The following PCBP3 variants were observed in gnomAD, a reference collection of about 807,000 sequenced individuals.
PCBP3 encodes the protein poly(rC)-binding protein 3.
Under a neutral mutation model 52.7 loss-of-function variants are expected in PCBP3, and 25 were observed. The ratio of observed to expected loss-of-function variants is 0.47; its 90% CI spans 0.35 to 0.66. The LOEUF (loss-of-function observed/expected upper bound fraction) is 0.66. PCBP3 is among the 30% of genes least tolerant of loss of function. The probability of loss-of-function intolerance (pLI) is 0.01; values close to 1 mark genes in which losing one functional copy is unlikely to be tolerated. For synonymous variants in PCBP3, 162 were observed against 183.0 expected, an observed-to-expected ratio of 0.89 and a Z score of 0.93; for missense variants, 391 against 490.3, an observed-to-expected ratio of 0.80 and a Z score of 1.91.
In PCBP3 at chr21:45,843,187, C is replaced by T. The variant is rs561896488; in HGVS notation, c.-125-6774C>T. On this transcript the variant is annotated intron_variant, in intron 4 of 17. Coordinates refer to ENST00000681687, the MANE Select transcript of PCBP3 (RefSeq NM_001384156.1). Reference sequence around the variant, plus strand: ...CTTCTGTTTGTTCCACATGTAATGTCCAGAGTTGTTGGCTGTGCTCAGCAG... The same window carrying T: ...CTTCTGTTTGTTCCACATGTAATGTTCAGAGTTGTTGGCTGTGCTCAGCAG... Among the ~76,000 whole-genome samples, 14 of 145,798 alleles carry T rather than the reference C, an allele frequency of 9.6e-5. No individual in the cohort carries two copies. In the East Asian group the frequency reaches 2.5e-3, roughly 26 times the overall value.
chr21:45,856,281 G>T (rs532160645), intron 5 of PCBP3, among the ~76,000 whole-genome samples: 2 of 152,302 alleles, frequency 1.3e-5, no homozygotes, highest in African/African-American at 4.8e-5. Flanking sequence ...AAGGACCTTG[G>T]TCTCCACAGC....
rs932645368 is a variant in PCBP3 at position 45,928,564 on chromosome 21, G to A, written c.718-1353G>A. Among the ~76,000 whole-genome samples, 1 of 152,184 alleles carries A rather than the reference G, an allele frequency of 6.6e-6. No individual in the cohort carries two copies. Among genetic ancestry groups the A allele is most frequent in the Non-Finnish European group, 1.5e-5 (1 of 68,026 alleles). ...GACCACAGTCGCCGCATTCCTGACT[G>A]TGCTCCCTGGTGTCAGGGAACCCAG... On this transcript the variant is annotated intron_variant, in intron 13 of 17. Transcript: ENST00000681687. The surrounding 1 kb of genome is among the most constrained non-coding windows in gnomAD (Gnocchi z 4.1).
At chr21:45,891,074 T>G (rs1363967007) in intron 5 of PCBP3, among the ~76,000 whole-genome samples, 1 of 151,786 alleles carries the variant, frequency 6.6e-6, no homozygotes, top group Non-Finnish European at 1.5e-5. Context: ...GAGGGGAATG[T>G]AGATAATAGA....
intron 16 of PCBP3, among the ~76,000 whole-genome samples, chr21:45,936,972 A>T (rs545875634): frequency 8.5e-5 from 13 of 152,116 alleles, no homozygotes; most frequent in Non-Finnish European, 1.5e-4. Context: ...ATGCTTCTTC[A>T]TGGAAAAGGC....
At chr21:45,667,731 A>G (rs1295154292) in intron 1 of PCBP3, among the ~76,000 whole-genome samples, 1 of 151,934 alleles carries the variant, frequency 6.6e-6, no homozygotes, top group African/African-American at 2.4e-5. Context: ...GTTTCTTTGT[A>G]TGTGTCATAG....
chr21:45,828,880 T>C (rs1231158596), intron 4 of PCBP3: 1 of 152,310 alleles, frequency 6.6e-6, no homozygotes, highest in Non-Finnish European at 1.5e-5. Context: ...CCAGGCTCCT[T>C]TGGGGGCTGG....
At position 45,656,670 on chromosome 21, in the gene PCBP3, A is replaced by C. The variant is rs1164173710; in HGVS notation, c.-278-12204A>C. 1.3e-5 allele frequency among the ~76,000 whole-genome samples: 2 copies of C among 152,266 alleles called. No homozygotes were observed. Among genetic ancestry groups the C allele is most frequent in the African/African-American group, 2.4e-5 (1 of 41,542 alleles). ...TTAAAAAAAATAGCTGAAAACAAAA[A>C]CAAAAATAAATAAATCCTTTGCCCA... On this transcript the variant is annotated intron_variant, in intron 1 of 17. Transcript: ENST00000681687. The surrounding 1 kb of genome is among the most constrained non-coding windows in gnomAD (Gnocchi z 4.3).
chr21:45,838,582 A>G (rs2093637973), intron 4 of PCBP3, among the ~76,000 whole-genome samples: 1 of 152,130 alleles, frequency 6.6e-6, no homozygotes, highest in Non-Finnish European at 1.5e-5. Context: ...CATATTTAAG[A>G]TTACATTATT....
chr21:45,861,062 C>G (rs998257397), intron 5 of PCBP3, among the ~76,000 whole-genome samples: 1 of 152,198 alleles, frequency 6.6e-6, no homozygotes, highest in Non-Finnish European at 1.5e-5. Context: ...GCCCCAGTTC[C>G]CCTCCTGCCT....
chr21:45,643,786 C>T lies in PCBP3; in HGVS notation c.-361C>T, dbSNP rs117509889. The T allele has an allele frequency of 0.31, 45,957 of 148,496 alleles. 8,440 individuals carry two copies. Among genetic ancestry groups the T allele is most frequent in the East Asian group, 0.66 (3,277 of 4,992 alleles). The allele number at this position is 148,496 out of a possible 1,614,324, so 9.2% of individuals were successfully genotyped here. ...GCTGACTTAGGCTCCGCCGCCGCCT[C>T]CTCACCCGCCTCGCCCCGACCCCGC... On this transcript the variant is annotated 5_prime_UTR_variant, in exon 1 of 18. Coordinates refer to ENST00000681687, the MANE Select transcript of PCBP3 (RefSeq NM_001384156.1).
chr21:45,846,491 G>A (rs1004497116), intron 4 of PCBP3, among the ~76,000 whole-genome samples: 1 of 151,780 alleles, frequency 6.6e-6, no homozygotes, highest in African/African-American at 2.4e-5. Context: ...TCTATTATTG[G>A]AGTACAAAGT....
intron 2 of PCBP3, among the ~76,000 whole-genome samples, chr21:45,691,067 AG>A (rs1179600252): frequency 6.6e-6 from 1 of 152,156 alleles, no homozygotes; most frequent in Non-Finnish European, 1.5e-5. Context: ...CATGTACAAA[AG>A]TGTTCACAGT....
rs1317961378 is a variant in PCBP3, at chr21:45,800,985, C to G, written c.-126+45533C>G. Among the ~76,000 whole-genome samples, 1 of 152,248 alleles carries G rather than the reference C, an allele frequency of 6.6e-6. No individual in the cohort carries two copies. The highest frequency in any genetic ancestry group is 1.5e-5 in the Non-Finnish European group (1 of 68,044). On this transcript the variant is annotated intron_variant, in intron 4 of 17. Transcript: ENST00000681687. The surrounding 1 kb of genome is among the most constrained non-coding windows in gnomAD (Gnocchi z 5.3). ...GGACTTGTTGCCCGTTCTGCGTGGCCACCCGTTCTTGCCAGCATGCCCACT... is the reference window on the plus strand; with the variant it reads ...GGACTTGTTGCCCGTTCTGCGTGGCGACCCGTTCTTGCCAGCATGCCCACT...
chr21:45,849,734 G>C (rs537155239), intron 4 of PCBP3, among the ~76,000 whole-genome samples: 1 of 152,342 alleles, frequency 6.6e-6, no homozygotes, highest in South Asian at 2.1e-4. Flanking sequence ...TGAAGTGGAA[G>C]CCTGCCTTTG....
intron 4 of PCBP3, among the ~76,000 whole-genome samples, chr21:45,757,500 C>T (rs1371304370): frequency 6.6e-6 from 1 of 152,044 alleles, no homozygotes; most frequent in Non-Finnish European, 1.5e-5. Flanking sequence ...TTGGTAGTAC[C>T]TTTTGACAAA....
chr21:45,751,962 GT>G (rs2087553768), intron 3 of PCBP3, among the ~76,000 whole-genome samples: 1 of 151,898 alleles, frequency 6.6e-6, no homozygotes, highest in Non-Finnish European at 1.5e-5. Flanking sequence ...TTTCTATAGG[GT>G]TTTTGGTCTT....
chr21:45,716,561 C>T (rs188385287), intron 2 of PCBP3, among the ~76,000 whole-genome samples: 4 of 152,282 alleles, frequency 2.6e-5, no homozygotes, highest in African/African-American at 9.6e-5. Context: ...GTAAGGATAC[C>T]AGTCCTCTTC....
rs2095377332 is a variant in PCBP3, at chr21:45,880,573, T to C, written c.11-15635T>C. Among the ~76,000 whole-genome samples, 1 of 152,164 alleles carries C rather than the reference T, an allele frequency of 6.6e-6. No individual in the cohort carries two copies. The highest frequency in any genetic ancestry group is 2.4e-5 in the African/African-American group (1 of 41,432). ...GTGCTCATGGTGTGAATCTGTCTAA[T>C]CCTTAAATACATACTGCGCCCCCTT... On this transcript the variant is annotated intron_variant, in intron 5 of 17. Transcript: ENST00000681687. This position sits in a 1 kb window ranked among gnomAD's most constrained non-coding sequence, Gnocchi z 5.4.
At chr21:45,780,768 G>A (rs1276087751) in intron 4 of PCBP3, among the ~76,000 whole-genome samples, 2 of 152,218 alleles carry the variant, frequency 1.3e-5, no homozygotes, top group East Asian at 3.8e-4. Context: ...TGTGGGACAT[G>A]TGCACTCAAC....
Sources: gnomAD v4.1 joint callset for allele counts (sites outside exome capture counted in the v4.1 genomes callset) on GRCh38, gnomAD v4.1.1 for gene constraint, Gnocchi (gnomAD v3.1) non-coding constraint, MANE v1.5 for transcripts, NCBI Gene and HGNC (gene_info 2026-07-23, HGNC 2026-07-21) for gene names.